AADAT: variants seen among roughly 807,000 people sequenced by gnomAD.
The protein encoded by AADAT is aminoadipate aminotransferase, also known as kynurenine/alpha-aminoadipate aminotransferase, mitochondrial.
In AADAT, 25 loss-of-function variants were observed where a neutral mutation model predicts 56.2. The ratio of observed to expected loss-of-function variants is 0.44; its 90% CI spans 0.32 to 0.62. The LOEUF (loss-of-function observed/expected upper bound fraction) is 0.62. AADAT is among the 20% of genes least tolerant of loss of function. The probability of loss-of-function intolerance (pLI) is 0.04; values close to 1 mark genes in which losing one functional copy is unlikely to be tolerated. For synonymous variants in AADAT, 173 were observed against 164.7 expected, an observed-to-expected ratio of 1.05 and a Z score of -0.39; for missense variants, 387 against 510.5, an observed-to-expected ratio of 0.76 and a Z score of 2.33.
chr4:170,067,499 C>A, intron 8 of AADAT, 111 bp from the exon 9 acceptor site: 3 of 728,064 alleles, frequency 4.1e-6, no homozygotes, highest in South Asian at 3.6e-5. Context: ...TAAGATATAA[C>A]AAGCTGAGCC....
upstream of AADAT, among the ~76,000 whole-genome samples, chr4:170,092,814 C>T (rs1227756196): frequency 6.6e-6 from 1 of 152,212 alleles, no homozygotes. Context: ...TGAACATTGG[C>T]TGTTGTTAGT....
chr4:170,087,097 G>A lies in AADAT; in HGVS notation c.369+19C>T. ...GCTTCCAATTCTACATTTTGGCTGA[G>A]TTTTCCTTTCAGTCTTACCTTACAA... On this transcript the variant is annotated intron_variant, in intron 3 of 12. Transcript: ENST00000337664. The A allele has an allele frequency of 6.2e-7, 1 of 1,613,018 alleles. No individual in the cohort carries two copies. Among genetic ancestry groups the A allele is most frequent in the Non-Finnish European group, 8.5e-7 (1 of 1,179,790 alleles).
chr4:170,089,518 G>A (rs895344067), intron 1 of AADAT, 106 bp downstream of exon 1: 4 of 1,227,684 alleles, frequency 3.3e-6, no homozygotes, highest in Non-Finnish European at 3.6e-6. Flanking sequence ...GCGTGCACAG[G>A]GGTACGCATG....
At chr4:170,066,829 G>A (rs565523453) in intron 9 of AADAT, among the ~76,000 whole-genome samples, 5 of 152,156 alleles carry the variant, frequency 3.3e-5, no homozygotes, top group South Asian at 2.1e-4. Context: ...ATGAATCACC[G>A]GTCTGGGAAT....
intron 2 of AADAT, 109 bp from the exon 3 acceptor site, chr4:170,087,357 A>G: frequency 5.9e-6 from 6 of 1,016,484 alleles, no homozygotes; most frequent in Non-Finnish European, 8.5e-6. Flanking sequence ...ACACTCAATT[A>G]AAAAACCCTC....
At chr4:170,068,478 G>T in intron 8 of AADAT, 113 bp downstream of exon 8, 1 of 699,474 alleles carries the variant, frequency 1.4e-6, no homozygotes, top group Non-Finnish European at 2.3e-6. Context: ...TGCAAAGAAG[G>T]CAAACTATGA....
intron 3 of AADAT, among the ~76,000 whole-genome samples, chr4:170,086,425 A>C (rs936130293): frequency 6.6e-6 from 1 of 152,042 alleles, no homozygotes; most frequent in African/African-American, 2.4e-5. Flanking sequence ...TCCATATAAG[A>C]AGTCAGAAAT....
chr4:170,086,245 CAA>C (rs60150011), intron 3 of AADAT, among the ~76,000 whole-genome samples: 9 of 110,744 alleles, frequency 8.1e-5, no homozygotes, highest in Admixed American at 1.9e-4. Flanking sequence ...GACCCTGTCT[CAA>C]AAAAAAAAAA....
At chr4:170,086,778 G>A (rs141638404) in intron 3 of AADAT, among the ~76,000 whole-genome samples, 46 of 152,280 alleles carry the variant, frequency 3.0e-4, no homozygotes, top group African/African-American at 7.7e-4. Flanking sequence ...GAAAGATTAG[G>A]CTAGTGAATG....
chr4:170,064,550 CA>C (rs1225968807), intron 11 of AADAT, among the ~76,000 whole-genome samples, 168 bp downstream of exon 11: 6 of 152,152 alleles, frequency 3.9e-5, no homozygotes, highest in Non-Finnish European at 7.4e-5. Flanking sequence ...TTACGTAACC[CA>C]AAAACCTCTT....
At chr4:170,070,454 A>T in intron 6 of AADAT, 133 bp downstream of exon 6, 1 of 624,816 alleles carries the variant, frequency 1.6e-6, no homozygotes. Flanking sequence ...GTAGCAAATT[A>T]ATCATAATTG....
upstream of AADAT, among the ~76,000 whole-genome samples, chr4:170,092,614 C>T (rs866374970): frequency 6.6e-6 from 1 of 152,206 alleles, no homozygotes. Context: ...ACCCACGAGG[C>T]AAAATGCTTC....
intron 11 of AADAT, among the ~76,000 whole-genome samples, chr4:170,063,553 G>T (rs187884656): frequency 7.4e-4 from 113 of 152,376 alleles, no homozygotes; most frequent in Non-Finnish European, 1.4e-3. Context: ...TATGTGCTGT[G>T]ATTAGGGTTA....
chr4:170,078,624 G>A lies in AADAT; in HGVS notation c.370-41C>T, dbSNP rs374473567. 3 of 1,396,734 alleles carry A rather than the reference G, an allele frequency of 2.1e-6. No individual in the cohort carries two copies. In the African/African-American group the frequency reaches 4.3e-5, roughly 20 times the overall value. 86.5% of individuals were successfully genotyped at this position (1,396,734 alleles called of 1,614,324 possible). The stretch of plus-strand genomic sequence containing the variant: ...TAGGTTAGCTTGTTAGTCAGCATAG[G>A]TTAGTACTGTTTCCATGCTCAGAAG... On this transcript the variant is annotated intron_variant, in intron 3 of 12. Transcript: ENST00000337664.
intron 4 of AADAT, 80 bp downstream of exon 4, chr4:170,078,429 A>C: frequency 1.3e-6 from 1 of 754,858 alleles, no homozygotes; most frequent in Non-Finnish European, 2.1e-6. Flanking sequence ...TATTATAATA[A>C]AGTTATTATA....
intron 4 of AADAT, among the ~76,000 whole-genome samples, chr4:170,075,534 CCTGACCT>C (rs1731992274): frequency 6.6e-6 from 1 of 152,198 alleles, no homozygotes; most frequent in South Asian, 2.1e-4. Flanking sequence ...GGCTCGAACT[CCTGACCT>C]CAAGTAATCC....
chr4:170,073,512 T>G (rs865816136), intron 4 of AADAT, among the ~76,000 whole-genome samples, 167 bp from the exon 5 acceptor site: 1 of 145,408 alleles, frequency 6.9e-6, no homozygotes, highest in African/African-American at 2.6e-5. Flanking sequence ...CATTTATTTA[T>G]TTTTTTTTTT....
intron 4 of AADAT, among the ~76,000 whole-genome samples, chr4:170,076,679 T>C (rs1244694303): frequency 6.6e-6 from 1 of 152,218 alleles, no homozygotes; most frequent in East Asian, 1.9e-4. Flanking sequence ...CTTTTTTCAC[T>C]GTTTTCATAA....
intron 1 of AADAT, chr4:170,089,348 C>G: frequency 5.1e-6 from 3 of 586,096 alleles, no homozygotes; most frequent in South Asian, 1.9e-5. Context: ...AGCACGCCCC[C>G]TCCCTTCCAA....
Sources: allele counts gnomAD v4.1 joint callset (sites outside exome capture counted in the v4.1 genomes callset), GRCh38; gene constraint gnomAD v4.1.1; transcripts MANE v1.5; gene names NCBI Gene and HGNC (gene_info 2026-07-23, HGNC 2026-07-21).